The following TRMT9B variants were observed in gnomAD, a reference collection of about 807,000 sequenced individuals.
The protein encoded by TRMT9B is probable tRNA methyltransferase 9B.
Under a neutral mutation model 11.5 loss-of-function variants are expected in TRMT9B, and 16 were observed. The observed-to-expected ratio is 1.39, with a 90% CI of 0.94 to 2.11. TRMT9B has a LOEUF of 2.11. TRMT9B is among the 30% of genes most tolerant of loss of function. The pLI is 0.00. For missense variants in TRMT9B, 941 were observed against 553.8 expected (o/e 1.70, Z -7.02); for synonymous variants, 274 against 192.4 (o/e 1.42, Z -3.51).
intron 1 of TRMT9B, among the ~76,000 whole-genome samples, chr8:12,980,860 G>T (rs749452059): frequency 6.6e-6 from 1 of 152,196 alleles, no homozygotes; most frequent in African/African-American, 2.4e-5. Context: ...AGCCCGGATG[G>T]AAGAGCAGTG....
intron 2 of TRMT9B, among the ~76,000 whole-genome samples, chr8:13,002,448 A>C (rs975094460): frequency 6.6e-6 from 1 of 152,208 alleles, no homozygotes; most frequent in African/African-American, 2.4e-5. Flanking sequence ...ATAGCCAGCC[A>C]TATGTTTACT....
chr8:12,984,235 T>C (rs1261480479), intron 1 of TRMT9B, among the ~76,000 whole-genome samples: 1 of 152,222 alleles, frequency 6.6e-6, no homozygotes, highest in Admixed American at 6.5e-5. Flanking sequence ...CTCTAAGAAA[T>C]GTCATTCTGT....
At chr8:12,992,126 C>T (rs1807458341) in intron 2 of TRMT9B, among the ~76,000 whole-genome samples, 1 of 152,176 alleles carries the variant, frequency 6.6e-6, no homozygotes, top group Admixed American at 6.5e-5. Flanking sequence ...TAAGAAACAG[C>T]TCCTTGATTC....
At chr8:12,975,824 C>T (rs932562331) in intron 1 of TRMT9B, among the ~76,000 whole-genome samples, 1 of 151,988 alleles carries the variant, frequency 6.6e-6, no homozygotes, top group Non-Finnish European at 1.5e-5. Flanking sequence ...GATGATAATC[C>T]ACCACCACCA....
At position 13,008,968 on chromosome 8, in the gene TRMT9B, T is replaced by G. The variant is rs1333100212; in HGVS notation, c.154+2612T>G. Among the ~76,000 whole-genome samples the G allele has an allele frequency of 3.9e-5, 6 of 152,150 alleles. No individual in the cohort carries two copies. The East Asian group carries it at 1.2e-3, about 30-fold the overall frequency. On this transcript the variant is annotated intron_variant, in intron 3 of 4. Coordinates refer to ENST00000524591, the MANE Select transcript of TRMT9B (RefSeq NM_020844.3). ...TGGTGTCGATCTCCTGACTTTGTGA[T>G]CCACCGACCTTCGCCTCCCAAAGTG...
At position 13,021,392 on chromosome 8, in the gene TRMT9B, G is replaced by C. The variant is rs749275192; in HGVS notation, c.713G>C (p.Gly238Ala). ...TCTAAGGAAGGCGAGGAAGAATATG[G>C]ATTTTACAGCACATTAGGAAAATCG... The part of the protein sequence containing the change: ...NISKEGEEEY[G>A]FYSTLGKSFR... The change falls in exon 5 of 5, where the codon GGA (glycine) becomes GCA (alanine). Residue 238 changes from glycine (G) to alanine (A), a missense_variant. Gly to Ala is a moderately conservative substitution (Grantham distance 60, BLOSUM62 0). Coordinates refer to ENST00000524591, the MANE Select transcript of TRMT9B (RefSeq NM_020844.3). The C allele has an allele frequency of 1.9e-6, 3 of 1,614,054 alleles. No homozygotes were observed. The highest frequency in any genetic ancestry group is 2.5e-6 in the Non-Finnish European group (3 of 1,179,902).
chr8:12,992,892 G>C (rs922184715), intron 2 of TRMT9B, among the ~76,000 whole-genome samples: 2 of 152,034 alleles, frequency 1.3e-5, no homozygotes, highest in Non-Finnish European at 2.9e-5. Flanking sequence ...CTAAAAATAA[G>C]TCCTGGAATG....
chr8:12,979,480 T>TA (rs3830569), intron 1 of TRMT9B, among the ~76,000 whole-genome samples: 2 of 151,612 alleles, frequency 1.3e-5, no homozygotes, highest in Admixed American at 6.6e-5. Context: ...CATCTCAAAA[T>TA]AAAAAAAAAT....
chr8:13,017,033 A>G (rs865822847), intron 4 of TRMT9B, among the ~76,000 whole-genome samples: 1 of 151,008 alleles, frequency 6.6e-6, no homozygotes, highest in Non-Finnish European at 1.5e-5. Context: ...CTGAGGTAGA[A>G]GAATTGCTTG....
chr8:13,018,820 C>T (rs481115), intron 4 of TRMT9B, among the ~76,000 whole-genome samples: 8 of 152,126 alleles, frequency 5.3e-5, no homozygotes, highest in African/African-American at 1.9e-4. Flanking sequence ...TAAGGTGCAT[C>T]ACAGTCTTCC....
chr8:12,959,496 TCTCC>T (rs1219454308), intron 1 of TRMT9B, among the ~76,000 whole-genome samples: 2 of 144,496 alleles, frequency 1.4e-5, no homozygotes, highest in African/African-American at 2.5e-5. Flanking sequence ...TCTCCTCTCC[TCTCC>T]TTTCCTTTTT....
intron 1 of TRMT9B, among the ~76,000 whole-genome samples, chr8:12,955,237 G>A (rs1218722965): frequency 1.3e-5 from 2 of 152,156 alleles, no homozygotes; most frequent in Admixed American, 1.3e-4. Context: ...GGGAGCCAGA[G>A]GCTGTCACAC....
intron 2 of TRMT9B, among the ~76,000 whole-genome samples, chr8:13,001,390 G>A (rs558761680): frequency 1.3e-5 from 2 of 152,290 alleles, no homozygotes; most frequent in African/African-American, 4.8e-5. Context: ...ACAGTGATGA[G>A]CAACTCTGAT....
At chr8:13,011,763 T>C (rs1234727433) in intron 3 of TRMT9B, 1 of 964,492 alleles carries the variant, frequency 1.0e-6, no homozygotes, top group African/African-American at 1.8e-5. Flanking sequence ...AAAAAGTAGT[T>C]TTTATAATCT....
chr8:12,987,928 G>A (rs1331159602), intron 1 of TRMT9B, among the ~76,000 whole-genome samples: 1 of 152,058 alleles, frequency 6.6e-6, no homozygotes, highest in African/African-American at 2.4e-5. Flanking sequence ...CATGTCATTA[G>A]CCTGGAAAAA....
chr8:12,971,768 C>T (rs961488838), intron 1 of TRMT9B, among the ~76,000 whole-genome samples: 1 of 152,134 alleles, frequency 6.6e-6, no homozygotes, highest in East Asian at 1.9e-4. Context: ...ATGTGGTTAT[C>T]GCTTTTACAT....
At chr8:12,987,239 T>C (rs1400056363) in intron 1 of TRMT9B, among the ~76,000 whole-genome samples, 1 of 152,216 alleles carries the variant, frequency 6.6e-6, no homozygotes, top group Non-Finnish European at 1.5e-5. Context: ...ATGGGAGAAC[T>C]AGTAGTTCCT....
chr8:13,020,151 G>T (rs1218512727), intron 4 of TRMT9B, among the ~76,000 whole-genome samples: 1 of 152,134 alleles, frequency 6.6e-6, no homozygotes, highest in African/African-American at 2.4e-5. Flanking sequence ...CTCTGTCTCT[G>T]CCCTCACAGC....
intron 1 of TRMT9B, among the ~76,000 whole-genome samples, chr8:12,970,461 C>A (rs930402145): frequency 6.6e-6 from 1 of 152,232 alleles, no homozygotes; most frequent in Non-Finnish European, 1.5e-5. Flanking sequence ...AATCCAATTT[C>A]ATGGCTTGGT....
Sources: gnomAD v4.1 joint callset for allele counts (sites outside exome capture counted in the v4.1 genomes callset) on GRCh38, gnomAD v4.1.1 for gene constraint, MANE v1.5 for transcripts, NCBI Gene and HGNC (gene_info 2026-07-23, HGNC 2026-07-21) for gene names.